The following RGL1 variants were observed in gnomAD, a reference collection of about 807,000 sequenced individuals.
The protein encoded by RGL1 is ral guanine nucleotide dissociation stimulator like 1, also known as ral guanine nucleotide dissociation stimulator-like 1.
A neutral mutation model predicts 95.2 loss-of-function variants in RGL1; 24 were observed. The observed-to-expected ratio is 0.25, with a 90% CI of 0.18 to 0.35. The LOEUF (loss-of-function observed/expected upper bound fraction) is 0.35. RGL1 is among the 10% of genes least tolerant of loss of function. The pLI, the probability that RGL1 is intolerant of heterozygous loss-of-function variation, is 1.00. For synonymous variants in RGL1, 329 were observed against 344.9 expected, an observed-to-expected ratio of 0.95 and a Z score of 0.51; for missense variants, 715 against 936.3, an observed-to-expected ratio of 0.76 and a Z score of 3.08.
intron 17 of RGL1, among the ~76,000 whole-genome samples, chr1:183,925,860 T>C (rs996887766): frequency 1.3e-5 from 2 of 152,206 alleles, no homozygotes; most frequent in African/African-American, 4.8e-5. Flanking sequence ...ACATTTTCTA[T>C]TGGAACATTT....
At chr1:183,873,329 T>C (rs1261152670) in intron 4 of RGL1, among the ~76,000 whole-genome samples, 1 of 152,230 alleles carries the variant, frequency 6.6e-6, no homozygotes, top group East Asian at 1.9e-4. Context: ...TGGCTACAAT[T>C]TGTGGTATGC....
chr1:183,793,268 C>T lies in RGL1; in HGVS notation c.133-13107C>T, dbSNP rs143083325. Among the ~76,000 whole-genome samples the T allele has an allele frequency of 9.5e-3, 1,452 of 152,206 alleles. 4 individuals are homozygous for T. Among genetic ancestry groups the T allele is most frequent in the Admixed American group, 0.015 (224 of 15,288 alleles). ...AATGAAACCAGACCCCATCTCTCAC[C>T]GTGTATAAAAATCAACTTCAAATGG... On this transcript the variant is annotated intron_variant, in intron 2 of 18. Transcript: ENST00000304685.
intron 1 of RGL1, among the ~76,000 whole-genome samples, chr1:183,698,335 T>C (rs146737211): frequency 1.3e-5 from 2 of 152,350 alleles, no homozygotes; most frequent in East Asian, 3.9e-4. Context: ...TTATTCACTC[T>C]TCCCTGTTTA....
intron 2 of RGL1, among the ~76,000 whole-genome samples, chr1:183,793,364 A>G (rs1660529397): frequency 6.6e-6 from 1 of 152,194 alleles, no homozygotes; most frequent in African/African-American, 2.4e-5. Context: ...AGTCTGGGCA[A>G]AGATTTTATG....
In RGL1 at chr1:183,700,058, GAGT is replaced by G. The variant is rs145084538; in HGVS notation, c.-32-42066_-32-42064del. 5.6e-3 allele frequency among the ~76,000 whole-genome samples: 855 copies of G among 152,260 alleles called. 3 individuals are homozygous for G. Among genetic ancestry groups the G allele is most frequent in the Non-Finnish European group, 1.0e-2 (680 of 68,024 alleles). ...GACCAAGCCTTCCCGTATTGCATGG[GAGT>G]ATACTAGTGGCTGTGACCAGACTGA... On this transcript the variant is annotated intron_variant, in intron 1 of 18. Coordinates refer to the RGL1 transcript ENST00000304685.
chr1:183,722,181 T>C (rs1268097269), intron 1 of RGL1, among the ~76,000 whole-genome samples: 2 of 146,994 alleles, frequency 1.4e-5, no homozygotes, highest in African/African-American at 5.1e-5. Context: ...AAGTCAATGA[T>C]GGAGAGGATT....
At chr1:183,826,590 A>G (rs1662879429) in intron 2 of RGL1, among the ~76,000 whole-genome samples, 1 of 152,210 alleles carries the variant, frequency 6.6e-6, no homozygotes, top group African/African-American at 2.4e-5. Context: ...TACCAGGCAT[A>G]AAAATAAGAA....
At chr1:183,843,011 A>C (rs536085000) in intron 2 of RGL1, among the ~76,000 whole-genome samples, 1 of 152,326 alleles carries the variant, frequency 6.6e-6, no homozygotes, top group South Asian at 2.1e-4. Flanking sequence ...TAAGCAGATC[A>C]TTTTAAGTTT....
intron 1 of RGL1, among the ~76,000 whole-genome samples, chr1:183,735,886 T>A (rs565221538): frequency 6.6e-6 from 1 of 152,284 alleles, no homozygotes; most frequent in South Asian, 2.1e-4. Context: ...ACTAGTGAGA[T>A]CACTGTCATG....
chr1:183,888,830 A>C (rs2102661508), intron 8 of RGL1, among the ~76,000 whole-genome samples: 1 of 152,176 alleles, frequency 6.6e-6, no homozygotes, highest in East Asian at 1.9e-4. Context: ...GGATGTGCTT[A>C]TTATCTGGAT....
At chr1:183,857,788 T>C (rs1665248961) in intron 3 of RGL1, among the ~76,000 whole-genome samples, 1 of 152,236 alleles carries the variant, frequency 6.6e-6, no homozygotes, top group Non-Finnish European at 1.5e-5. Flanking sequence ...AAATATTTAC[T>C]TTTGCCAAGT....
intron 2 of RGL1, among the ~76,000 whole-genome samples, chr1:183,748,357 C>T (rs1204594909): frequency 2.2e-5 from 3 of 134,268 alleles, no homozygotes; most frequent in Non-Finnish European, 3.2e-5. Flanking sequence ...TTCTACTAGT[C>T]TTCTACGAGC....
chr1:183,824,227 G>C (rs1329017588), intron 2 of RGL1, among the ~76,000 whole-genome samples: 1 of 152,056 alleles, frequency 6.6e-6, no homozygotes, highest in African/African-American at 2.4e-5. Context: ...CTAAAAATTG[G>C]TATACCTTCT....
chr1:183,895,031 C>T (rs182033834), intron 9 of RGL1, among the ~76,000 whole-genome samples: 81 of 152,296 alleles, frequency 5.3e-4, no homozygotes, highest in Middle Eastern at 3.4e-3. Flanking sequence ...TCTTGGTTCT[C>T]ATGATTCTTG....
At chr1:183,664,216 TAATAA>T (rs145384705) in intron 1 of RGL1, among the ~76,000 whole-genome samples, 2 of 150,924 alleles carry the variant, frequency 1.3e-5, no homozygotes, top group East Asian at 1.9e-4. Flanking sequence ...AGTATAATAA[TAATAA>T]AATAAAATAA....
intron 2 of RGL1, among the ~76,000 whole-genome samples, chr1:183,841,375 G>C (rs954432962): frequency 2.0e-5 from 3 of 151,956 alleles, no homozygotes; most frequent in Admixed American, 6.6e-5. Flanking sequence ...AATTTCACTG[G>C]GCATCCTGTA....
chr1:183,740,692 T>C (rs1177440802), intron 1 of RGL1, among the ~76,000 whole-genome samples: 2 of 152,158 alleles, frequency 1.3e-5, no homozygotes, highest in African/African-American at 4.8e-5. Flanking sequence ...ATCCCTTTTT[T>C]GTGAAGAACT....
intron 2 of RGL1, among the ~76,000 whole-genome samples, chr1:183,846,250 G>A (rs1409310515): frequency 1.3e-5 from 2 of 152,248 alleles, no homozygotes; most frequent in African/African-American, 4.8e-5. Flanking sequence ...GGAGGGACAT[G>A]GATGAAGCTG....
At chr1:183,754,178 TATAAAG>T (rs1658197833) in intron 2 of RGL1, among the ~76,000 whole-genome samples, 1 of 152,130 alleles carries the variant, frequency 6.6e-6, no homozygotes, top group African/African-American at 2.4e-5. Context: ...CAGCATCATA[TATAAAG>T]ATAGTCAACT....
Sources: allele counts gnomAD v4.1 joint callset (sites outside exome capture counted in the v4.1 genomes callset), GRCh38; gene constraint gnomAD v4.1.1; transcripts MANE v1.5; gene names NCBI Gene and HGNC (gene_info 2026-07-23, HGNC 2026-07-21).